Variants in STXBP5L observed in about 807,000 individuals in gnomAD.
STXBP5L encodes syntaxin-binding protein 5-like.
STXBP5L carries 65 observed loss-of-function variants against 144.5 expected under a neutral mutation model. The observed-to-expected ratio is 0.45, with a 90% CI of 0.37 to 0.55. The LOEUF is 0.55. Ranked by LOEUF, STXBP5L falls within the 20% of genes least tolerant of loss-of-function variation. The probability of loss-of-function intolerance (pLI) is 0.00; values close to 1 mark genes in which losing one functional copy is unlikely to be tolerated. For synonymous variants in STXBP5L, 505 were observed against 469.6 expected, an observed-to-expected ratio of 1.08 and a Z score of -0.97; for missense variants, 1,298 against 1,405.5, an observed-to-expected ratio of 0.92 and a Z score of 1.22.
intron 7 of STXBP5L, among the ~76,000 whole-genome samples, chr3:121,152,003 C>T (rs1183840297): frequency 6.6e-6 from 1 of 151,718 alleles, no homozygotes. Context: ...ACTTTATAAT[C>T]TTCAGAGGGT....
chr3:121,093,773 A>C (rs961588570), intron 5 of STXBP5L, among the ~76,000 whole-genome samples: 1 of 151,820 alleles, frequency 6.6e-6, no homozygotes, highest in African/African-American at 2.4e-5. Flanking sequence ...CTATTTCCTT[A>C]AGTTCTGTTC....
chr3:121,133,464 A>G (rs2045091802), intron 7 of STXBP5L, among the ~76,000 whole-genome samples: 1 of 152,200 alleles, frequency 6.6e-6, no homozygotes, highest in Non-Finnish European at 1.5e-5. Context: ...GACAGAAAGG[A>G]GTGGTGCAAT....
At position 121,349,881 on chromosome 3, in the gene STXBP5L, C is replaced by A. The variant is rs536885062; in HGVS notation, c.2177-28835C>A. Among the ~76,000 whole-genome samples the A allele has an allele frequency of 3.9e-5, 6 of 152,168 alleles. No homozygotes were observed. In the East Asian group the frequency reaches 1.2e-3, roughly 29 times the overall value. Reference sequence around the variant, plus strand: ...GCATGTGAGATGGGTTTCCTGAATACAGCACACTGATGGGTCTTGACTCTT... The same window carrying A: ...GCATGTGAGATGGGTTTCCTGAATAAAGCACACTGATGGGTCTTGACTCTT... On this transcript the variant is annotated intron_variant, in intron 20 of 26. Transcript: ENST00000471454.
intron 20 of STXBP5L, among the ~76,000 whole-genome samples, chr3:121,361,418 T>G (rs7617366): frequency 0.79 from 120,104 of 152,064 alleles, 47,663 homozygotes; most frequent in East Asian, 0.93. Flanking sequence ...TTAAGGACAT[T>G]TCTTAGGTTT....
intron 20 of STXBP5L, among the ~76,000 whole-genome samples, chr3:121,363,638 G>A (rs1410837574): frequency 2.6e-5 from 4 of 151,698 alleles, no homozygotes; most frequent in Non-Finnish European, 4.4e-5. Flanking sequence ...AAGGAGGGGT[G>A]GCATCAGTGA....
chr3:121,322,483 A>G (rs1428344132), intron 20 of STXBP5L, among the ~76,000 whole-genome samples: 12 of 151,742 alleles, frequency 7.9e-5, no homozygotes, highest in Non-Finnish European at 1.3e-4. Flanking sequence ...TGCCAAAAAA[A>G]AAAAAAAAAA....
intron 3 of STXBP5L, among the ~76,000 whole-genome samples, chr3:121,025,376 G>A (rs1469214944): frequency 1.3e-5 from 2 of 151,908 alleles, no homozygotes; most frequent in East Asian, 1.9e-4. Context: ...TATATGGTTT[G>A]CTCTTTTAAA....
chr3:120,941,787 G>A (rs1028435583), intron 2 of STXBP5L, among the ~76,000 whole-genome samples: 1 of 151,650 alleles, frequency 6.6e-6, no homozygotes, highest in Non-Finnish European at 1.5e-5. Context: ...CATGATGTCT[G>A]TTTATAAAGG....
At chr3:121,163,705 C>A (rs2046402147) in intron 9 of STXBP5L, among the ~76,000 whole-genome samples, 1 of 151,250 alleles carries the variant, frequency 6.6e-6, no homozygotes, top group Admixed American at 6.6e-5. Flanking sequence ...TAATTACAGG[C>A]AGTTTGGAAG....
intron 10 of STXBP5L, among the ~76,000 whole-genome samples, chr3:121,220,974 T>C (rs759239019): frequency 5.4e-4 from 82 of 152,154 alleles, no homozygotes; most frequent in Middle Eastern, 3.4e-3. Flanking sequence ...GGTAGCTATT[T>C]ATTACTAGAG....
rs1407883253 is a variant in STXBP5L, at chr3:121,093,290, A to G, written c.471-21635A>G. Among the ~76,000 whole-genome samples, 5 of 152,178 alleles carry G rather than the reference A, an allele frequency of 3.3e-5. No homozygotes were observed. The East Asian group carries it at 7.7e-4, about 23-fold the overall frequency. ...ATCAGGATGATGCTGGCCTCATAAAATGAGTTAGGGAGGATTCCCTCTTTT... is the reference window on the plus strand; with the variant it reads ...ATCAGGATGATGCTGGCCTCATAAAGTGAGTTAGGGAGGATTCCCTCTTTT... On this transcript the variant is annotated intron_variant, in intron 5 of 26. Transcript: ENST00000471454.
intron 3 of STXBP5L, among the ~76,000 whole-genome samples, chr3:120,981,795 A>C (rs552604114): frequency 6.6e-6 from 1 of 152,318 alleles, no homozygotes; most frequent in South Asian, 2.1e-4. Context: ...TCATCTGAAG[A>C]AGCCATCACT....
chr3:121,362,508 C>T (rs909471787), intron 20 of STXBP5L, among the ~76,000 whole-genome samples: 15 of 152,274 alleles, frequency 9.9e-5, no homozygotes, highest in African/African-American at 3.1e-4. Flanking sequence ...ACCCCATAGC[C>T]GCCACCACCC....
chr3:120,947,109 C>T (rs1334953939), intron 2 of STXBP5L, among the ~76,000 whole-genome samples: 1 of 151,670 alleles, frequency 6.6e-6, no homozygotes, highest in Non-Finnish European at 1.5e-5. Context: ...CAAAAGAAAA[C>T]AAGCAAAGCA....
intron 9 of STXBP5L, among the ~76,000 whole-genome samples, chr3:121,161,933 A>G (rs944999159): frequency 6.6e-6 from 1 of 152,176 alleles, no homozygotes; most frequent in Admixed American, 6.5e-5. Flanking sequence ...GAAATATGAT[A>G]TTTAAAAATT....
chr3:121,031,521 T>A (rs1030337750), intron 3 of STXBP5L, among the ~76,000 whole-genome samples: 7 of 152,098 alleles, frequency 4.6e-5, no homozygotes, highest in Non-Finnish European at 7.4e-5. Context: ...GGATGATTGA[T>A]GTTGCTGTCT....
chr3:121,235,032 A>G (rs1413221693), intron 12 of STXBP5L, among the ~76,000 whole-genome samples: 2 of 151,422 alleles, frequency 1.3e-5, no homozygotes, highest in Admixed American at 1.3e-4. Flanking sequence ...TTTTATTGTG[A>G]TAGACTATGT....
At chr3:121,157,474 CT>C (rs774434764) in intron 8 of STXBP5L, 29 bp from the exon 9 acceptor site, 9 of 1,540,032 alleles carry the variant, frequency 5.8e-6, no homozygotes, top group Middle Eastern at 1.7e-4. Context: ...TTTTTTCCCC[CT>C]CTACTTGTTT....
intron 11 of STXBP5L, among the ~76,000 whole-genome samples, chr3:121,229,009 C>A (rs775200803): frequency 3.9e-5 from 6 of 152,184 alleles, no homozygotes; most frequent in Non-Finnish European, 8.8e-5. Context: ...CAAATAATTT[C>A]TTTTAATTAT....
Sources: gnomAD v4.1 joint callset for allele counts (sites outside exome capture counted in the v4.1 genomes callset) on GRCh38, gnomAD v4.1.1 for gene constraint, MANE v1.5 for transcripts, NCBI Gene and HGNC (gene_info 2026-07-23, HGNC 2026-07-21) for gene names.